Variants in DMD observed in about 807,000 individuals in gnomAD.
DMD encodes dystrophin.
Under a neutral mutation model 330.1 loss-of-function variants are expected in DMD, and 63 were observed. The observed-to-expected ratio is 0.19, with a 90% CI of 0.16 to 0.24. DMD has a LOEUF of 0.24. Ranked by LOEUF, DMD falls within the 10% of genes least tolerant of loss-of-function variation. The pLI, the probability that DMD is intolerant of heterozygous loss-of-function variation, is 1.00. For synonymous variants in DMD, 1,223 were observed against 959.8 expected (o/e 1.27, Z -5.07); for missense variants, 3,344 against 2,684.1 (o/e 1.25, Z -5.43).
In DMD at chrX:33,285,770, A is replaced by C. The variant is rs141509662; in HGVS notation, c.7+53489T>G. ...TTTACCTGAGACTCATAAAATGAGA[A>C]TTTGTGCAATGAGTCATTCTTAGTA... is the stretch of plus-strand genomic sequence containing the variant. On this transcript the variant is annotated intron_variant, in intron 1 of 17. Transcript: ENST00000288447. Among the ~76,000 whole-genome samples, 3 of 112,345 alleles carry C rather than the reference A, an allele frequency of 2.7e-5. No individual in the cohort carries two copies. The East Asian group carries it at 8.5e-4, about 32-fold the overall frequency.
At chrX:31,373,880 G>A (rs2059737339) in intron 60 of DMD, among the ~76,000 whole-genome samples, 1 of 109,142 alleles carries the variant, frequency 9.2e-6, no homozygotes, top group Admixed American at 9.8e-5. Flanking sequence ...AGAGTGAACA[G>A]GCAACCTACA....
intron 18 of DMD, among the ~76,000 whole-genome samples, chrX:32,502,532 C>T (rs2044159282): frequency 1.8e-5 from 2 of 111,488 alleles, no homozygotes; most frequent in Non-Finnish European, 3.8e-5. Context: ...TAATAATATT[C>T]CTATGGAGAC....
chrX:32,134,680 G>A (rs1374617978), intron 44 of DMD, among the ~76,000 whole-genome samples: 3 of 111,387 alleles, frequency 2.7e-5, no homozygotes, highest in Non-Finnish European at 3.8e-5. Context: ...TTCTTCCAGC[G>A]CTATATTATT....
At chrX:31,724,097 A>T (rs750286734) in intron 52 of DMD, among the ~76,000 whole-genome samples, 33 of 112,301 alleles carry the variant, frequency 2.9e-4, no homozygotes, top group Non-Finnish European at 4.5e-4. Flanking sequence ...ATCCTAGTGG[A>T]TGTGAATTTT....
chrX:32,404,639 T>A (rs889314517), intron 30 of DMD, among the ~76,000 whole-genome samples: 1 of 111,532 alleles, frequency 9.0e-6, no homozygotes, highest in Non-Finnish European at 1.9e-5. Flanking sequence ...CCATGTTGGG[T>A]TGTTCTTACA....
chrX:31,370,577 T>C (rs1362104973), intron 60 of DMD, among the ~76,000 whole-genome samples: 2 of 112,613 alleles, frequency 1.8e-5, no homozygotes, highest in African/African-American at 6.4e-5. Flanking sequence ...GGATCACTCA[T>C]ACATTGCTGG....
At chrX:32,527,476 G>A (rs1264201061) in intron 17 of DMD, among the ~76,000 whole-genome samples, 2 of 110,138 alleles carry the variant, frequency 1.8e-5, no homozygotes, top group Non-Finnish European at 3.8e-5. Context: ...CTCAGTTCAA[G>A]ATGCACATCA....
At chrX:32,212,095 G>A (rs1235805499) in intron 44 of DMD, among the ~76,000 whole-genome samples, 1 of 111,680 alleles carries the variant, frequency 9.0e-6, no homozygotes, top group Non-Finnish European at 1.9e-5. Context: ...TTCCTTCATG[G>A]TGTTCAGCTT....
At chrX:32,889,224 A>G (rs1165489808) in intron 2 of DMD, among the ~76,000 whole-genome samples, 1 of 111,196 alleles carries the variant, frequency 9.0e-6, no homozygotes, top group Non-Finnish European at 1.9e-5. Context: ...GCCACCCAGT[A>G]CCCAGGCACT....
intron 9 of DMD, among the ~76,000 whole-genome samples, chrX:32,677,443 C>T (rs2062049537): frequency 9.0e-6 from 1 of 111,314 alleles, no homozygotes; most frequent in African/African-American, 3.3e-5. Context: ...AAGAAGTTGA[C>T]CTCTAAACTA....
intron 1 of DMD, among the ~76,000 whole-genome samples, chrX:33,165,706 T>A (rs1475800386): frequency 9.0e-6 from 1 of 111,673 alleles, no homozygotes; most frequent in South Asian, 3.7e-4. Context: ...TTTCAGTACA[T>A]ATTTATACAA....
intron 1 of DMD, among the ~76,000 whole-genome samples, chrX:33,262,166 T>A (rs1042074503): frequency 3.6e-5 from 4 of 111,416 alleles, no homozygotes; most frequent in Non-Finnish European, 7.6e-5. Context: ...ATGTTGGAAA[T>A]GAAAAATGTA....
chrX:31,391,647 C>T (rs748536255), intron 60 of DMD, among the ~76,000 whole-genome samples: 188 of 109,548 alleles, frequency 1.7e-3, no homozygotes, highest in Non-Finnish European at 3.1e-3. Context: ...CTGAGATGGG[C>T]GGATCACGAG....
At chrX:31,791,872 T>C in intron 50 of DMD, among the ~76,000 whole-genome samples, 1 of 112,083 alleles carries the variant, frequency 8.9e-6, no homozygotes, top group Non-Finnish European at 1.9e-5. Flanking sequence ...GCTATCTCAA[T>C]TGTAAAATTC....
chrX:32,606,698 C>T lies in DMD; in HGVS notation c.1482+7605G>A, dbSNP rs1223513193. 7.0e-5 allele frequency among the ~76,000 whole-genome samples: 7 copies of T among 100,376 alleles called. No homozygotes were observed. In the South Asian group the frequency reaches 1.9e-3, roughly 28 times the overall value. The allele number at this position is 100,376 out of a possible 115,157, so 87.2% of individuals were successfully genotyped here. ...TTGGATAAAGAAAATGTGATATGCA[C>T]ATGTATATATGTGTGTATATACGCA... is the stretch of plus-strand genomic sequence containing the variant. On this transcript the variant is annotated intron_variant, in intron 12 of 78. Transcript: ENST00000357033.
intron 55 of DMD, among the ~76,000 whole-genome samples, chrX:31,519,017 T>C (rs192889891): frequency 2.7e-5 from 3 of 111,980 alleles, no homozygotes; most frequent in Admixed American, 9.5e-5. Context: ...TTCAGAGCAC[T>C]GATAGGAATG....
intron 2 of DMD, among the ~76,000 whole-genome samples, chrX:32,860,930 A>T (rs890722376): frequency 3.6e-5 from 4 of 111,623 alleles, no homozygotes; most frequent in African/African-American, 1.3e-4. Context: ...AATACATTAG[A>T]TTTATGCAGA....
chrX:32,389,956 T>C (rs1389526791), intron 31 of DMD, 115 bp downstream of exon 31: 17 of 619,477 alleles, frequency 2.7e-5, no homozygotes, highest in Non-Finnish European at 4.2e-5. Flanking sequence ...CATCAAATTA[T>C]AGTTTTCAAA....
chrX:31,439,478 T>C (rs1391510847), intron 60 of DMD, among the ~76,000 whole-genome samples: 1 of 101,373 alleles, frequency 9.9e-6, no homozygotes, highest in Non-Finnish European at 2.1e-5. Context: ...GATGTCTACA[T>C]GACTTTGGAA....
Sources: gnomAD v4.1 joint callset for allele counts (sites outside exome capture counted in the v4.1 genomes callset) on GRCh38, gnomAD v4.1.1 for gene constraint, MANE v1.5 for transcripts, NCBI Gene and HGNC (gene_info 2026-07-23, HGNC 2026-07-21) for gene names.